Variants in PTPRD observed in about 807,000 individuals in gnomAD.
The protein encoded by PTPRD is protein tyrosine phosphatase receptor type D.
A neutral mutation model predicts 214.5 loss-of-function variants in PTPRD; 34 were observed. The observed-to-expected ratio is 0.16, with a 90% CI of 0.12 to 0.21. The LOEUF is 0.21. Ranked by LOEUF, PTPRD falls within the 10% of genes least tolerant of loss-of-function variation. The probability of loss-of-function intolerance (pLI) is 1.00; values close to 1 mark genes in which losing one functional copy is unlikely to be tolerated. For missense variants in PTPRD, 2,545 were observed against 2,398.7 expected (o/e 1.06, Z -1.27); for synonymous variants, 1,128 against 845.7 (o/e 1.33, Z -5.79).
At chr9:10,314,742 A>T (rs987238011) in intron 3 of PTPRD, among the ~76,000 whole-genome samples, 15 of 151,982 alleles carry the variant, frequency 9.9e-5, no homozygotes, top group Non-Finnish European at 1.9e-4. Context: ...CAAGAGTACA[A>T]CAGTGATCAA....
intron 12 of PTPRD, among the ~76,000 whole-genome samples, chr9:8,648,182 TATA>T (rs2096733904): frequency 2.0e-5 from 3 of 152,222 alleles, no homozygotes; most frequent in African/African-American, 7.2e-5. Context: ...TAATTCAAGG[TATA>T]ATAATACCTG....
intron 5 of PTPRD, among the ~76,000 whole-genome samples, chr9:9,817,180 T>C (rs151117507): frequency 6.6e-6 from 1 of 152,250 alleles, no homozygotes; most frequent in East Asian, 1.9e-4. Flanking sequence ...TTTAAATTAA[T>C]CATGACTGTG....
chr9:9,179,020 G>A (rs1018108320), intron 10 of PTPRD, among the ~76,000 whole-genome samples: 4 of 152,038 alleles, frequency 2.6e-5, no homozygotes, highest in Non-Finnish European at 5.9e-5. Flanking sequence ...ACTAAAAACA[G>A]GCTCACTTAA....
chr9:9,598,515 G>A (rs1218181694), intron 7 of PTPRD, among the ~76,000 whole-genome samples: 3 of 151,826 alleles, frequency 2.0e-5, no homozygotes, highest in African/African-American at 7.3e-5. Context: ...AATGTTCATG[G>A]TAGAAAATTA....
At chr9:10,208,815 C>T (rs568004695) in intron 3 of PTPRD, among the ~76,000 whole-genome samples, 17 of 152,084 alleles carry the variant, frequency 1.1e-4, no homozygotes, top group Admixed American at 3.3e-4. Context: ...GAAACAGATG[C>T]TTATTAATTA....
chr9:10,173,174 G>A (rs532365138), intron 3 of PTPRD, among the ~76,000 whole-genome samples: 2 of 152,276 alleles, frequency 1.3e-5, no homozygotes, highest in African/African-American at 4.8e-5. Context: ...ATACACTTGT[G>A]AAGGGGGGAT....
intron 10 of PTPRD, among the ~76,000 whole-genome samples, chr9:9,075,326 T>G (rs749383602): frequency 9.2e-5 from 14 of 152,156 alleles, no homozygotes; most frequent in Non-Finnish European, 1.9e-4. Context: ...CAGTTATTTT[T>G]AAAAGTATAA....
At chr9:9,671,043 T>C (rs543455110) in intron 7 of PTPRD, among the ~76,000 whole-genome samples, 1 of 152,104 alleles carries the variant, frequency 6.6e-6, no homozygotes, top group Non-Finnish European at 1.5e-5. Flanking sequence ...GCTTGCACCA[T>C]TCACCTGGAA....
At chr9:8,956,514 T>C (rs998095482) in intron 11 of PTPRD, among the ~76,000 whole-genome samples, 43 of 151,800 alleles carry the variant, frequency 2.8e-4, no homozygotes, top group Non-Finnish European at 8.8e-5. Flanking sequence ...AGTGAGAAAA[T>C]GTTCTGTAAG....
chr9:9,456,970 C>A (rs185321777), intron 8 of PTPRD, among the ~76,000 whole-genome samples: 146 of 151,474 alleles, frequency 9.6e-4, no homozygotes, highest in African/African-American at 3.4e-3. Flanking sequence ...CACAGAACTA[C>A]TGTAACAGGC....
chr9:9,807,211 A>C (rs1417887037), intron 5 of PTPRD, among the ~76,000 whole-genome samples: 1 of 152,114 alleles, frequency 6.6e-6, no homozygotes, highest in Non-Finnish European at 1.5e-5. Context: ...TTGCTACAGG[A>C]GTTACTAAAG....
chr9:8,342,299 TACAA>T (rs1044518004), intron 39 of PTPRD, among the ~76,000 whole-genome samples: 3 of 152,084 alleles, frequency 2.0e-5, no homozygotes, highest in Admixed American at 2.0e-4. Context: ...ATGAAAAAAA[TACAA>T]ACATTTAGTC....
chr9:8,934,494 A>AATATAT (rs1420703537), intron 11 of PTPRD, among the ~76,000 whole-genome samples: 117 of 7,212 alleles, frequency 0.016, 7 homozygotes, highest in African/African-American at 0.047. Flanking sequence ...TATATATATA[A>AATATAT]ATATATATAT....
At chr9:9,116,264 T>G (rs992627786) in intron 10 of PTPRD, among the ~76,000 whole-genome samples, 7 of 152,248 alleles carry the variant, frequency 4.6e-5, no homozygotes, top group Non-Finnish European at 8.8e-5. Flanking sequence ...AAATATATAC[T>G]TACTATGGAA....
chr9:9,661,025 G>A (rs907585076), intron 7 of PTPRD, among the ~76,000 whole-genome samples: 1 of 151,832 alleles, frequency 6.6e-6, no homozygotes, highest in African/African-American at 2.4e-5. Flanking sequence ...TCCATTTTTT[G>A]TTACTAATAA....
intron 9 of PTPRD, among the ~76,000 whole-genome samples, chr9:9,373,534 T>C (rs1416041783): frequency 2.0e-5 from 3 of 152,072 alleles, no homozygotes; most frequent in Non-Finnish European, 2.9e-5. Flanking sequence ...TTCTGGAGTC[T>C]CCCAGGGAGA....
chr9:10,491,971 T>G (rs2040422611), intron 2 of PTPRD, among the ~76,000 whole-genome samples: 1 of 152,184 alleles, frequency 6.6e-6, no homozygotes, highest in Non-Finnish European at 1.5e-5. Flanking sequence ...GTGTTTGGTT[T>G]TCTGTTCCTG....
chr9:9,276,325 A>G (rs1365609097), intron 9 of PTPRD, among the ~76,000 whole-genome samples: 1 of 151,406 alleles, frequency 6.6e-6, no homozygotes, highest in Non-Finnish European at 1.5e-5. Flanking sequence ...ATTGCTCTTT[A>G]TTACAAATTT....
intron 2 of PTPRD, among the ~76,000 whole-genome samples, chr9:10,582,434 C>G (rs868539074): frequency 1.6e-4 from 24 of 152,162 alleles, no homozygotes; most frequent in African/African-American, 5.3e-4. Flanking sequence ...AAGTTCTCCT[C>G]AAATCCACTT....
Sources: gnomAD v4.1 joint callset for allele counts (sites outside exome capture counted in the v4.1 genomes callset) on GRCh38, gnomAD v4.1.1 for gene constraint, MANE v1.5 for transcripts, NCBI Gene and HGNC (gene_info 2026-07-23, HGNC 2026-07-21) for gene names.